BCAS4: variants seen among roughly 807,000 people sequenced by gnomAD.
BCAS4 encodes the protein breast carcinoma-amplified sequence 4.
Under a neutral mutation model 15.7 loss-of-function variants are expected in BCAS4, and 9 were observed. That is an observed-to-expected ratio of 0.57 (90% CI 0.34 to 1.00). The LOEUF is 1.00. BCAS4 is among the 50% of genes least tolerant of loss of function. The probability of loss-of-function intolerance (pLI) is 0.02; values close to 1 mark genes in which losing one functional copy is unlikely to be tolerated. For missense variants in BCAS4, 225 were observed against 239.1 expected (o/e 0.94, Z 0.39); for synonymous variants, 101 against 99.5 (o/e 1.02, Z -0.09).
At chr20:50,856,271 C>T (rs1303597777) in intron 4 of BCAS4, among the ~76,000 whole-genome samples, 1 of 152,196 alleles carries the variant, frequency 6.6e-6, no homozygotes, top group Non-Finnish European at 1.5e-5. Context: ...GTACTTGGCT[C>T]TGTTCCTGGT....
intron 2 of BCAS4, among the ~76,000 whole-genome samples, chr20:50,820,943 T>G (rs926447362): frequency 9.2e-5 from 14 of 152,168 alleles, no homozygotes; most frequent in African/African-American, 3.4e-4. Context: ...TTTTAGAATT[T>G]CATGTGAAAA....
intron 1 of BCAS4, among the ~76,000 whole-genome samples, chr20:50,800,992 G>A (rs1057288933): frequency 1.3e-5 from 2 of 152,210 alleles, no homozygotes; most frequent in Admixed American, 6.5e-5. Flanking sequence ...TGTGGGAGAG[G>A]AGTTTTCTTT....
chr20:50,821,912 C>A (rs1248242785), intron 2 of BCAS4, among the ~76,000 whole-genome samples: 1 of 152,174 alleles, frequency 6.6e-6, no homozygotes, highest in Non-Finnish European at 1.5e-5. Flanking sequence ...ACTGTGGGGC[C>A]ATGGACATGT....
At position 50,834,033 on chromosome 20, in the gene BCAS4, C is replaced by T. The variant is rs539764486; in HGVS notation, c.264+3653C>T. On this transcript the variant is annotated intron_variant, in intron 3 of 4. Transcript: ENST00000371608. ...GCGGGAAAAGGCAGCTTCTCAGGCA[C>T]CTGGGGCCTGGGAGGAGCTCAAGGT... Among the ~76,000 whole-genome samples, 4 of 152,134 alleles carry T rather than the reference C, an allele frequency of 2.6e-5. No homozygotes were observed. In the South Asian group the frequency reaches 8.3e-4, roughly 32 times the overall value.
chr20:50,796,483 A>AT (rs1569013322), intron 1 of BCAS4, among the ~76,000 whole-genome samples: 137 of 10,596 alleles, frequency 0.013, 4 homozygotes, highest in Non-Finnish European at 0.018. Context: ...ATATATATAT[A>AT]TATATTTTTT....
intron 4 of BCAS4, among the ~76,000 whole-genome samples, chr20:50,861,390 G>T (rs1240968255): frequency 6.6e-6 from 1 of 152,192 alleles, no homozygotes; most frequent in Non-Finnish European, 1.5e-5. Context: ...ACCGTGTGGA[G>T]CCCACAGTGT....
At chr20:50,795,890 T>A (rs985598777) in intron 1 of BCAS4, among the ~76,000 whole-genome samples, 4 of 152,176 alleles carry the variant, frequency 2.6e-5, no homozygotes, top group African/African-American at 7.2e-5. Flanking sequence ...TCCGGACATT[T>A]AAAATGCATT....
chr20:50,802,007 T>C (rs937828192), intron 1 of BCAS4, among the ~76,000 whole-genome samples: 19 of 151,918 alleles, frequency 1.3e-4, no homozygotes, highest in African/African-American at 4.4e-4. Context: ...GTCTGAATTC[T>C]GTTCTAGGGT....
chr20:50,846,496 G>A lies in BCAS4; in HGVS notation c.399+4596G>A, dbSNP rs1053896334. ...AATAATACCTTTTTGAGATCTTAAC[G>A]TTATTTTGAATTGTTCCGAGATGGC... is the stretch of plus-strand genomic sequence containing the variant. On this transcript the variant is annotated intron_variant, in intron 4 of 4. Coordinates refer to ENST00000371608, the MANE Select transcript of BCAS4 (RefSeq NM_198799.4). Among the ~76,000 whole-genome samples, 7 of 151,442 alleles carry A rather than the reference G, an allele frequency of 4.6e-5. No individual in the cohort carries two copies. In the South Asian group the frequency reaches 6.2e-4, roughly 13 times the overall value.
chr20:50,807,722 T>C (rs1420662307), intron 1 of BCAS4, among the ~76,000 whole-genome samples: 1 of 152,160 alleles, frequency 6.6e-6, no homozygotes, highest in Non-Finnish European at 1.5e-5. Context: ...CTTTGCGTCC[T>C]CATAGCTTAG....
At chr20:50,814,317 A>G (rs549759916) in intron 1 of BCAS4, among the ~76,000 whole-genome samples, 1 of 152,244 alleles carries the variant, frequency 6.6e-6, no homozygotes, top group Admixed American at 6.5e-5. Context: ...TTTTGAGACA[A>G]TCTCACTCTG....
Position 50,851,781 on chromosome 20 carries a change from A to G in BCAS4, c.399+9881A>G, listed in dbSNP as rs2123822206. Reference sequence around the variant, plus strand: ...AACCCTTCCCGCTCCCCACCTGGCAATGTTCATTATTGTTCAAAGCCCCAG... The same window carrying G: ...AACCCTTCCCGCTCCCCACCTGGCAGTGTTCATTATTGTTCAAAGCCCCAG... On this transcript the variant is annotated intron_variant, in intron 4 of 4. Transcript: ENST00000371608. The surrounding 1 kb of genome is among the most constrained non-coding windows in gnomAD (Gnocchi z 4.3). Among the ~76,000 whole-genome samples, 1 of 152,158 alleles carries G rather than the reference A, an allele frequency of 6.6e-6. No homozygotes were observed. Among genetic ancestry groups the G allele is most frequent in the East Asian group, 1.9e-4 (1 of 5,164 alleles).
At chr20:50,849,616 G>A (rs1379316551) in intron 4 of BCAS4, among the ~76,000 whole-genome samples, 1 of 152,172 alleles carries the variant, frequency 6.6e-6, no homozygotes, top group African/African-American at 2.4e-5. Context: ...GGAGTGGTGG[G>A]GACTGTGGCG....
Position 50,804,633 on chromosome 20 carries a change from G to A in BCAS4, c.90+9460G>A, listed in dbSNP as rs12481170. ...ATGCATTTTAGACAAGATTGAGTGCGTTTAGGGCAGTATGGCCATAGACAG... is the reference window on the plus strand; with the variant it reads ...ATGCATTTTAGACAAGATTGAGTGCATTTAGGGCAGTATGGCCATAGACAG... On this transcript the variant is annotated intron_variant, in intron 1 of 4. Transcript: ENST00000371608. Among the ~76,000 whole-genome samples the A allele has an allele frequency of 6.3e-3, 955 of 152,326 alleles. 14 individuals are homozygous for A. In the East Asian group the frequency reaches 0.065, roughly 10 times the overall value.
intron 4 of BCAS4, among the ~76,000 whole-genome samples, chr20:50,872,922 C>T (rs1979729702): frequency 6.6e-6 from 1 of 152,216 alleles, no homozygotes; most frequent in South Asian, 2.1e-4. Context: ...TGCTTGTTCT[C>T]CTTGGAGCCC....
At chr20:50,814,522 C>T (rs950259701) in intron 1 of BCAS4, among the ~76,000 whole-genome samples, 10 of 152,222 alleles carry the variant, frequency 6.6e-5, no homozygotes, top group Admixed American at 5.9e-4. Flanking sequence ...TGGGCTCAAG[C>T]GATCCTCTGG....
chr20:50,832,619 G>C (rs111589018), intron 3 of BCAS4: 7,096 of 152,350 alleles, frequency 0.047, 241 homozygotes, highest in Non-Finnish European at 0.063. Flanking sequence ...GCCTTATGGG[G>C]CTAAAGTCAA....
rs1243734902 is a variant in BCAS4 at position 50,876,566 on chromosome 20, G to A, written c.480G>A (p.Gly160=). ...AGGACTATTTTCCTGTGGACGCCGG[G>A]GAAGCACAGCACCACCCCCGCACCT... is the stretch of plus-strand genomic sequence containing the variant. ...RTEDYFPVDA[G]EAQHHPRTCP... The change falls in exon 5 of 5, where the codon GGG becomes GGA. Residue 160 remains glycine (G), a synonymous_variant. Coordinates refer to ENST00000371608, the MANE Select transcript of BCAS4 (RefSeq NM_198799.4). The A allele has an allele frequency of 6.2e-7, 1 of 1,614,104 alleles. No homozygotes were observed. Among genetic ancestry groups the A allele is most frequent in the Non-Finnish European group, 8.5e-7 (1 of 1,180,010 alleles).
chr20:50,859,327 G>C (rs1978945563), intron 4 of BCAS4, among the ~76,000 whole-genome samples: 1 of 152,208 alleles, frequency 6.6e-6, no homozygotes, highest in African/African-American at 2.4e-5. Context: ...ACTTATCTTT[G>C]AACCACCTGT....
Sources: allele counts gnomAD v4.1 joint callset (sites outside exome capture counted in the v4.1 genomes callset), GRCh38; gene constraint gnomAD v4.1.1; non-coding constraint Gnocchi (gnomAD v3.1); transcripts MANE v1.5; gene names NCBI Gene and HGNC (gene_info 2026-07-23, HGNC 2026-07-21).